The following ENOX1 variants were observed in gnomAD, a reference collection of about 807,000 sequenced individuals.
ENOX1 encodes the protein candidate growth-related and time keeping constitutive hydroquinone (NADH) oxidase.
Under a neutral mutation model 82.5 loss-of-function variants are expected in ENOX1, and 42 were observed. That is an observed-to-expected ratio of 0.51 (90% CI 0.40 to 0.66). The LOEUF is 0.66. ENOX1 is among the 30% of genes least tolerant of loss of function. The pLI is 0.00. For missense variants in ENOX1, 608 were observed against 811.6 expected, an observed-to-expected ratio of 0.75 and a Z score of 3.05; for synonymous variants, 271 against 282.2, an observed-to-expected ratio of 0.96 and a Z score of 0.40.
intron 14 of ENOX1, among the ~76,000 whole-genome samples, chr13:43,253,979 A>G (rs965777055): frequency 6.6e-6 from 1 of 152,228 alleles, no homozygotes; most frequent in African/African-American, 2.4e-5. Flanking sequence ...GCTTGCATGC[A>G]AGTCATGTCT....
At chr13:43,422,658 GC>G (rs1294873750) in intron 3 of ENOX1, among the ~76,000 whole-genome samples, 1 of 152,004 alleles carries the variant, frequency 6.6e-6, no homozygotes. Flanking sequence ...TGACCTGAAG[GC>G]CCCCCTCTAA....
chr13:43,336,499 C>T (rs556752007), intron 9 of ENOX1, among the ~76,000 whole-genome samples: 1 of 152,354 alleles, frequency 6.6e-6, no homozygotes, highest in East Asian at 1.9e-4. Context: ...ATCTTCAGCA[C>T]CTGCAGAATG....
chr13:43,719,794 C>T (rs546049142), intron 1 of ENOX1, among the ~76,000 whole-genome samples: 2 of 152,282 alleles, frequency 1.3e-5, no homozygotes, highest in South Asian at 4.1e-4. Context: ...GCCATGCCTG[C>T]ACCCAAGCTC....
rs1220389642 is a variant in ENOX1 at position 43,332,166 on chromosome 13, C to T, written c.1037-5641G>A. 2.0e-5 allele frequency among the ~76,000 whole-genome samples: 3 copies of T among 152,068 alleles called. No individual in the cohort carries two copies. The Admixed American group carries it at 2.0e-4, about 10-fold the overall frequency. On this transcript the variant is annotated intron_variant, in intron 9 of 16. Transcript: ENST00000690772. ...CAGATATTTGTTGCTTTTAGGGCAG[C>T]ATCCCCAACGTTTTTGGCACCAGGA...
chr13:43,467,158 C>G (rs975766626), intron 3 of ENOX1, among the ~76,000 whole-genome samples: 7 of 151,884 alleles, frequency 4.6e-5, no homozygotes, highest in Non-Finnish European at 8.8e-5. Context: ...CGAGATAACT[C>G]TATGATTAAC....
chr13:43,285,353 T>A (rs1256575766), intron 12 of ENOX1, among the ~76,000 whole-genome samples: 1 of 152,208 alleles, frequency 6.6e-6, no homozygotes, highest in Non-Finnish European at 1.5e-5. Flanking sequence ...TTAGCAATAG[T>A]TATATCTAGG....
intron 2 of ENOX1, among the ~76,000 whole-genome samples, chr13:43,581,294 G>A (rs988490159): frequency 4.3e-5 from 6 of 138,070 alleles, no homozygotes; most frequent in African/African-American, 7.8e-5. Context: ...CACTACGCCC[G>A]GCTAATTTTT....
rs1380880802 is a variant in ENOX1, at chr13:43,287,814, T to C, written c.1446+10532A>G. Among the ~76,000 whole-genome samples, 4 of 152,222 alleles carry C rather than the reference T, an allele frequency of 2.6e-5. No individual in the cohort carries two copies. In the South Asian group the frequency reaches 6.2e-4, roughly 24 times the overall value. Reference sequence around the variant, plus strand: ...AGTCCCAAACCTCTTACAGATGTCATGTGTGATCCTTTCAAACAGGTAGGG... The same window carrying C: ...AGTCCCAAACCTCTTACAGATGTCACGTGTGATCCTTTCAAACAGGTAGGG... On this transcript the variant is annotated intron_variant, in intron 12 of 16. Transcript: ENST00000690772.
intron 3 of ENOX1, among the ~76,000 whole-genome samples, chr13:43,416,872 G>A (rs2054622634): frequency 6.6e-6 from 1 of 152,218 alleles, no homozygotes. Flanking sequence ...CTGGGAGGTG[G>A]AGGTTGTAGC....
intron 14 of ENOX1, among the ~76,000 whole-genome samples, chr13:43,263,535 A>G (rs909719699): frequency 6.6e-6 from 1 of 152,140 alleles, no homozygotes; most frequent in Non-Finnish European, 1.5e-5. Context: ...GACTTTTAAA[A>G]TTTTTCAAAA....
At chr13:43,499,061 T>C (rs1014064377) in intron 2 of ENOX1, among the ~76,000 whole-genome samples, 2 of 152,132 alleles carry the variant, frequency 1.3e-5, no homozygotes, top group Non-Finnish European at 2.9e-5. Context: ...GTGGTATTTT[T>C]CCCTAATATC....
chr13:43,591,983 A>G (rs2081266369), intron 2 of ENOX1, among the ~76,000 whole-genome samples: 1 of 151,764 alleles, frequency 6.6e-6, no homozygotes, highest in Non-Finnish European at 1.5e-5. Flanking sequence ...CAGCTCCACA[A>G]TGGGGGTGAC....
intron 2 of ENOX1, among the ~76,000 whole-genome samples, chr13:43,631,365 T>A (rs1445033582): frequency 6.6e-6 from 1 of 152,182 alleles, no homozygotes; most frequent in Non-Finnish European, 1.5e-5. Context: ...TCTGCACCCC[T>A]CTGGCAAGAC....
At chr13:43,438,439 G>A (rs1198449100) in intron 3 of ENOX1, among the ~76,000 whole-genome samples, 2 of 152,144 alleles carry the variant, frequency 1.3e-5, no homozygotes, top group African/African-American at 4.8e-5. Context: ...ACATGTGTGA[G>A]GGCCCAAGAA....
intron 1 of ENOX1, among the ~76,000 whole-genome samples, chr13:43,685,629 T>C (rs1489689094): frequency 6.6e-6 from 1 of 152,116 alleles, no homozygotes; most frequent in African/African-American, 2.4e-5. Flanking sequence ...AGGTTTTTTT[T>C]TAAGTTGCCG....
At chr13:43,536,184 A>G (rs1450545895) in intron 2 of ENOX1, among the ~76,000 whole-genome samples, 3 of 152,218 alleles carry the variant, frequency 2.0e-5, no homozygotes, top group African/African-American at 7.2e-5. Flanking sequence ...TCATGTTTTA[A>G]TTGCTATAAT....
rs756956592 is a variant in ENOX1 at position 43,214,017 on chromosome 13, A to G, written c.1905T>C (p.Cys635=). ...AGGTAGTTTTAATTCCTTCAAAGGC[A>G]CACAGCTTCCATCTTTTTTCCAGCG... The part of the protein sequence containing the change: ...GATLEKRWKL[C]AFEGIKTT The change falls in exon 17 of 17, where the codon TGT becomes TGC. Residue 635 remains cysteine, a synonymous_variant. Transcript: ENST00000690772. 6.2e-7 allele frequency: 1 copy of G among 1,614,006 alleles called. No homozygotes were observed. The highest frequency in any genetic ancestry group is 8.5e-7 in the Non-Finnish European group (1 of 1,179,920).
intron 15 of ENOX1, among the ~76,000 whole-genome samples, chr13:43,233,196 A>G (rs1217910873): frequency 6.6e-6 from 1 of 152,212 alleles, no homozygotes; most frequent in East Asian, 1.9e-4. Flanking sequence ...CCCCATAAAA[A>G]CAGAATTCTC....
At chr13:43,702,983 A>AAAAAAAAAAATT (rs71099842) in intron 1 of ENOX1, among the ~76,000 whole-genome samples, 1 of 135,426 alleles carries the variant, frequency 7.4e-6, no homozygotes, top group Non-Finnish European at 1.6e-5. Flanking sequence ...AAAAAAAAAA[A>AAAAAAAAAAATT]GTTTGAGGAA....
Sources: allele counts gnomAD v4.1 joint callset (sites outside exome capture counted in the v4.1 genomes callset), GRCh38; gene constraint gnomAD v4.1.1; transcripts MANE v1.5; gene names NCBI Gene and HGNC (gene_info 2026-07-23, HGNC 2026-07-21).